Variants in SLC8A2 observed in about 807,000 individuals in gnomAD.
The protein encoded by SLC8A2 is solute carrier family 8 member A2, also known as sodium/calcium exchanger 2.
In SLC8A2, 14 loss-of-function variants were observed where a neutral mutation model predicts 70.2. That is an observed-to-expected ratio of 0.20 (90% CI 0.13 to 0.31). The LOEUF is 0.31. SLC8A2 is among the 10% of genes least tolerant of loss of function. The probability of loss-of-function intolerance (pLI) is 1.00; values close to 1 mark genes in which losing one functional copy is unlikely to be tolerated. For missense variants in SLC8A2, 779 were observed against 1,320.1 expected (o/e 0.59, Z 6.35); for synonymous variants, 575 against 594.3 (o/e 0.97, Z 0.47).
intron 2 of SLC8A2, among the ~76,000 whole-genome samples, chr19:47,460,725 AAAG>A (rs1303067755): frequency 1.3e-5 from 2 of 151,734 alleles, no homozygotes; most frequent in African/African-American, 2.4e-5. Context: ...AAAAGAAAAA[AAAG>A]AACATCGCCA....
intron 8 of SLC8A2, among the ~76,000 whole-genome samples, chr19:47,433,501 A>G (rs1260727970): frequency 6.6e-6 from 1 of 152,196 alleles, no homozygotes; most frequent in East Asian, 1.9e-4. Context: ...TCTGCCAATG[A>G]GATATAAACA....
Position 47,429,993 on chromosome 19 carries a change from C to T in SLC8A2, c.*96G>A. The T allele has an allele frequency of 7.6e-7, 1 of 1,318,960 alleles. No homozygotes were observed. Among genetic ancestry groups the T allele is most frequent in the African/African-American group, 1.5e-5 (1 of 66,482 alleles). The allele number at this position is 1,318,960 out of a possible 1,614,324, so 81.7% of individuals were successfully genotyped here. A position where few individuals can be genotyped will look rare whatever the true frequency, so the allele number is the denominator to read the frequency against. ...GAGGCCGAGTCCCAGGAGAGGAGGCCGAGTCTGGGGGGAAAAGGAGACCAG... is the reference window on the plus strand; with the variant it reads ...GAGGCCGAGTCCCAGGAGAGGAGGCTGAGTCTGGGGGGAAAAGGAGACCAG... On this transcript the variant is annotated 3_prime_UTR_variant, in exon 10 of 10. Coordinates refer to ENST00000236877, the MANE Select transcript of SLC8A2 (RefSeq NM_015063.3).
intron 1 of SLC8A2, among the ~76,000 whole-genome samples, chr19:47,469,810 G>A (rs1256054373): frequency 6.6e-6 from 1 of 152,220 alleles, no homozygotes; most frequent in Non-Finnish European, 1.5e-5. Context: ...GGAGCGGGGA[G>A]GGCAGATGGC....
Position 47,448,952 on chromosome 19 carries a change from C to A in SLC8A2, c.1341-721G>T, listed in dbSNP as rs570565569. On this transcript the variant is annotated intron_variant, in intron 3 of 9. Coordinates refer to ENST00000236877, the MANE Select transcript of SLC8A2 (RefSeq NM_015063.3). This position sits in a 1 kb window ranked among gnomAD's most constrained non-coding sequence, Gnocchi z 4.8. ...GGACACAGCAGTAACCAGGCCCTGT[C>A]CTCACAGGGTTCACAGCCCCATGGG... is the stretch of plus-strand genomic sequence containing the variant. Among the ~76,000 whole-genome samples the A allele has an allele frequency of 6.6e-5, 10 of 152,304 alleles. No individual in the cohort carries two copies. Among genetic ancestry groups the A allele is most frequent in the African/African-American group, 2.4e-4 (10 of 41,564 alleles).
At chr19:47,457,918 A>G (rs1599856919) in intron 2 of SLC8A2, among the ~76,000 whole-genome samples, 1 of 149,730 alleles carries the variant, frequency 6.7e-6, no homozygotes, top group Non-Finnish European at 1.5e-5. Flanking sequence ...GGCTCACTAA[A>G]CCTTGAACCT....
rs768431806 is a variant in SLC8A2, at chr19:47,465,344, A to G, written c.675+385T>C. Among the ~76,000 whole-genome samples, 4 of 152,222 alleles carry G rather than the reference A, an allele frequency of 2.6e-5. No individual in the cohort carries two copies. Among genetic ancestry groups the G allele is most frequent in the Non-Finnish European group, 2.9e-5 (2 of 68,038 alleles). On this transcript the variant is annotated intron_variant, in intron 2 of 9. Transcript: ENST00000236877. The surrounding 1 kb of genome is among the most constrained non-coding windows in gnomAD (Gnocchi z 5.5). ...AGGGAGTGTAGGAAAACATGTGAAC[A>G]TACGTAGCATGCATTACACAGATCA...
In SLC8A2 at chr19:47,465,861, G is replaced by T; in HGVS notation, c.543C>A (p.Ile181=). Residue 181 remains isoleucine, a synonymous_variant, in exon 2 of 10, where the codon ATC becomes ATA. Coordinates refer to ENST00000236877, the MANE Select transcript of SLC8A2 (RefSeq NM_015063.3). This position sits in a 1 kb window ranked among gnomAD's most constrained non-coding sequence, Gnocchi z 5.5. ...FNMFVVIAVC[I]YVIPAGESRK... ...GGCTCTCGCCGGCTGGGATGACGTA[G>T]ATGCACACGGCGATGACCACAAACA... 5.0e-6 allele frequency: 8 copies of T among 1,614,166 alleles called. No homozygotes were observed. Among genetic ancestry groups the T allele is most frequent in the Non-Finnish European group, 6.8e-6 (8 of 1,180,028 alleles).
At chr19:47,439,795 G>A (rs532393976) in intron 6 of SLC8A2, among the ~76,000 whole-genome samples, 4 of 152,032 alleles carry the variant, frequency 2.6e-5, no homozygotes, top group African/African-American at 9.6e-5. Flanking sequence ...TCCTGAGTAG[G>A]TGGGATCACA....
chr19:47,444,670 C>T (rs1967138379), intron 4 of SLC8A2, among the ~76,000 whole-genome samples: 1 of 152,208 alleles, frequency 6.6e-6, no homozygotes, highest in Non-Finnish European at 1.5e-5. Flanking sequence ...CAGTGACTGA[C>T]GTGCAGTGAC....
intron 6 of SLC8A2, among the ~76,000 whole-genome samples, chr19:47,438,269 C>T (rs1032415700): frequency 2.6e-5 from 4 of 152,112 alleles, no homozygotes; most frequent in Admixed American, 1.3e-4. Flanking sequence ...AACTGTTAAA[C>T]GGGCACAATA....
chr19:47,464,126 T>A (rs1967429660), intron 2 of SLC8A2, among the ~76,000 whole-genome samples: 1 of 152,204 alleles, frequency 6.6e-6, no homozygotes, highest in South Asian at 2.1e-4. Context: ...TTTCTTTCTT[T>A]TTTTAGATAG....
intron 8 of SLC8A2, among the ~76,000 whole-genome samples, chr19:47,434,119 G>A (rs1966997160): frequency 6.6e-6 from 1 of 152,234 alleles, no homozygotes; most frequent in African/African-American, 2.4e-5. Flanking sequence ...AGTCACTGCT[G>A]AACGCATCCC....
chr19:47,434,520 G>A (rs1279026952), intron 8 of SLC8A2, among the ~76,000 whole-genome samples: 4 of 152,202 alleles, frequency 2.6e-5, no homozygotes, highest in Non-Finnish European at 5.9e-5. Flanking sequence ...GACAGAATGA[G>A]TTGGTTCATG....
chr19:47,447,748 A>C lies in SLC8A2; in HGVS notation c.1763+61T>G, dbSNP rs1282605123. 1 of 1,469,404 alleles carries C rather than the reference A, an allele frequency of 6.8e-7. No homozygotes were observed. Among genetic ancestry groups the C allele is most frequent in the Non-Finnish European group, 9.0e-7 (1 of 1,113,682 alleles). The allele number at this position is 1,469,404 out of a possible 1,614,324, so 91.0% of individuals were successfully genotyped here. ...CTCACCCAGGCCCCGCCCCTGAGCC[A>C]CATCAGGCCTCGCCCATTCCGAAGC... is the stretch of plus-strand genomic sequence containing the variant. On this transcript the variant is annotated intron_variant, in intron 4 of 9. Coordinates refer to ENST00000236877, the MANE Select transcript of SLC8A2 (RefSeq NM_015063.3). The surrounding 1 kb of genome is among the most constrained non-coding windows in gnomAD (Gnocchi z 5.1).
intron 2 of SLC8A2, among the ~76,000 whole-genome samples, chr19:47,462,561 G>A (rs977171797): frequency 2.7e-5 from 4 of 150,850 alleles, no homozygotes; most frequent in Non-Finnish European, 5.9e-5. Context: ...TTTGCGCCCG[G>A]CCTATGTATA....
Position 47,447,699 on chromosome 19 carries a change from G to T in SLC8A2, c.1763+110C>A. 1 of 1,199,688 alleles carries T rather than the reference G, an allele frequency of 8.3e-7. No individual in the cohort carries two copies. Among genetic ancestry groups the T allele is most frequent in the South Asian group, 1.7e-5 (1 of 60,306 alleles). The allele number at this position is 1,199,688 out of a possible 1,614,324, so 74.3% of individuals were successfully genotyped here. Reference sequence around the variant, plus strand: ...CCCTCCCCTCCCGAGGCCCAACCAAGACCCGCCCACTATGTGGGCATGGCT... The same window carrying T: ...CCCTCCCCTCCCGAGGCCCAACCAATACCCGCCCACTATGTGGGCATGGCT... On this transcript the variant is annotated intron_variant, in intron 4 of 9. Coordinates refer to ENST00000236877, the MANE Select transcript of SLC8A2 (RefSeq NM_015063.3). This position sits in a 1 kb window ranked among gnomAD's most constrained non-coding sequence, Gnocchi z 5.1.
intron 4 of SLC8A2, among the ~76,000 whole-genome samples, chr19:47,444,348 C>T (rs761318511): frequency 2.6e-5 from 4 of 152,138 alleles, no homozygotes; most frequent in Non-Finnish European, 4.4e-5. Context: ...CAAGACACAG[C>T]GACACCCGCG....
rs1196152131 is a variant in SLC8A2 at position 47,432,415 on chromosome 19, C to G, written c.2141G>C (p.Arg714Pro). The change falls in exon 9 of 10, where the codon CGG becomes CCG. Residue 714 changes from arginine (R) to proline (P), a missense_variant. Arg to Pro is a moderately radical substitution (Grantham distance 103). Coordinates refer to ENST00000236877, the MANE Select transcript of SLC8A2 (RefSeq NM_015063.3). The surrounding 1 kb of genome is among the most constrained non-coding windows in gnomAD (Gnocchi z 6.2). ...AAAGCACGACGGCAGCCGCTCCTCCCGGGACCCGTCCTCCTCCTCCTCCTC... is the reference window on the plus strand; with the variant it reads ...AAAGCACGACGGCAGCCGCTCCTCCGGGGACCCGTCCTCCTCCTCCTCCTC... Reference protein sequence around the residue: ...GDEEEEEDGSREERLPSCFDY... With the variant: ...GDEEEEEDGSPEERLPSCFDY... 1.2e-6 allele frequency: 2 copies of G among 1,606,866 alleles called. No homozygotes were observed. Among genetic ancestry groups the G allele is most frequent in the Non-Finnish European group, 1.7e-6 (2 of 1,176,282 alleles).
At chr19:47,431,382 G>A (rs1406659573) in intron 9 of SLC8A2, among the ~76,000 whole-genome samples, 1 of 151,890 alleles carries the variant, frequency 6.6e-6, no homozygotes, top group African/African-American at 2.4e-5. Flanking sequence ...CAGGCGTGGT[G>A]GCTCACGCCT....
Sources: allele counts gnomAD v4.1 joint callset (sites outside exome capture counted in the v4.1 genomes callset), GRCh38; gene constraint gnomAD v4.1.1; non-coding constraint Gnocchi (gnomAD v3.1); transcripts MANE v1.5; gene names NCBI Gene and HGNC (gene_info 2026-07-23, HGNC 2026-07-21).